The following QTMAN variants were observed in gnomAD, a reference collection of about 807,000 sequenced individuals.
QTMAN encodes the protein queuosine-tRNA mannosyltransferase.
At chr2:144,268,633 T>C in the QTMAN span, among the ~76,000 whole-genome samples, 89 of 152,348 alleles carry the variant, frequency 5.8e-4, 2 homozygotes, top group South Asian at 0.017. Flanking sequence ...AACCACCCAG[T>C]TGAGGATGTA....
the QTMAN span, among the ~76,000 whole-genome samples, chr2:144,096,760 G>A: frequency 6.6e-6 from 1 of 152,224 alleles, no homozygotes; most frequent in Non-Finnish European, 1.5e-5. Flanking sequence ...GTTCACTGCT[G>A]AAATACACAA....
the QTMAN span, among the ~76,000 whole-genome samples, chr2:144,204,318 A>G: frequency 1.3e-5 from 2 of 152,208 alleles, no homozygotes; most frequent in African/African-American, 4.8e-5. Context: ...CAACCCCATC[A>G]ACAAGTAGGC....
At chr2:144,041,031 C>CCATT in the QTMAN span, among the ~76,000 whole-genome samples, 1 of 152,096 alleles carries the variant, frequency 6.6e-6, no homozygotes, top group African/African-American at 2.4e-5. Flanking sequence ...ATTCATTCAT[C>CCATT]CATTCATTCA....
At chr2:144,170,523 T>C in the QTMAN span, among the ~76,000 whole-genome samples, 2 of 152,144 alleles carry the variant, frequency 1.3e-5, no homozygotes, top group Non-Finnish European at 2.9e-5. Context: ...AGATCTTTTA[T>C]AGTAGCTGCA....
the QTMAN span, among the ~76,000 whole-genome samples, chr2:144,049,347 G>A: frequency 1.7e-4 from 26 of 152,230 alleles, no homozygotes; most frequent in East Asian, 5.0e-3. Context: ...CACACAATCG[G>A]ATGCCTGTCA....
chr2:144,224,795 A>G, the QTMAN span, among the ~76,000 whole-genome samples: 1 of 152,206 alleles, frequency 6.6e-6, no homozygotes, highest in African/African-American at 2.4e-5. Flanking sequence ...TTATTCAACA[A>G]GCATTTATTA....
At chr2:144,172,621 C>CAAAAAAAAAAAAAAAAAAAA in the QTMAN span, among the ~76,000 whole-genome samples, 1 of 51,360 alleles carries the variant, frequency 1.9e-5, no homozygotes, top group Non-Finnish European at 4.5e-5. Flanking sequence ...AAGACTCTGT[C>CAAAAAAAAAAAAAAAAAAAA]AAAAAAAAAA....
At chr2:144,261,073 T>C in the QTMAN span, among the ~76,000 whole-genome samples, 2 of 152,224 alleles carry the variant, frequency 1.3e-5, no homozygotes, top group Admixed American at 6.5e-5. Flanking sequence ...CAATATCTTC[T>C]ACTTCACGCT....
At chr2:143,985,041 A>G in the QTMAN span, among the ~76,000 whole-genome samples, 1 of 152,208 alleles carries the variant, frequency 6.6e-6, no homozygotes, top group Non-Finnish European at 1.5e-5. Context: ...GCAAATGCTA[A>G]AAGAGCACTG....
At chr2:144,056,160 A>G in the QTMAN span, among the ~76,000 whole-genome samples, 24 of 152,370 alleles carry the variant, frequency 1.6e-4, no homozygotes, top group Admixed American at 1.1e-3. Context: ...TATTTAAAGA[A>G]GCAGCCAGTA....
chr2:144,155,240 C>T, the QTMAN span, among the ~76,000 whole-genome samples: 495 of 152,228 alleles, frequency 3.3e-3, 1 homozygote, highest in African/African-American at 0.01. Context: ...AAAAGGAACT[C>T]AAGAGGAAAG....
the QTMAN span, among the ~76,000 whole-genome samples, chr2:144,227,926 TG>T: frequency 6.6e-6 from 1 of 152,200 alleles, no homozygotes; most frequent in Non-Finnish European, 1.5e-5. Flanking sequence ...GGTGGTTATA[TG>T]GGACATACTT....
chr2:144,210,365 A>G, the QTMAN span, among the ~76,000 whole-genome samples: 2 of 152,208 alleles, frequency 1.3e-5, no homozygotes, highest in East Asian at 3.8e-4. Flanking sequence ...CCATCCCACC[A>G]TTAGTATAAA....
the QTMAN span, among the ~76,000 whole-genome samples, chr2:143,991,713 T>C: frequency 1.7e-3 from 106 of 63,986 alleles, no homozygotes; most frequent in South Asian, 2.2e-3. Flanking sequence ...GCCCGGCCAG[T>C]CGCCCCGTCC....
chr2:144,035,442 G>C, the QTMAN span, among the ~76,000 whole-genome samples: 1 of 152,178 alleles, frequency 6.6e-6, no homozygotes, highest in Non-Finnish European at 1.5e-5. Flanking sequence ...CTTCTTAAAA[G>C]CATGCATGAG....
the QTMAN span, among the ~76,000 whole-genome samples, chr2:144,224,922 T>G: frequency 1.3e-5 from 2 of 152,198 alleles, no homozygotes; most frequent in Non-Finnish European, 2.9e-5. Context: ...GTAGAACATT[T>G]GAGCAGGGTC....
the QTMAN span, among the ~76,000 whole-genome samples, chr2:144,326,900 A>G: frequency 6.6e-6 from 1 of 152,122 alleles, no homozygotes; most frequent in Non-Finnish European, 1.5e-5. Flanking sequence ...TTTTATATAT[A>G]CCACACAGAG....
the QTMAN span, among the ~76,000 whole-genome samples, chr2:144,269,158 A>G: frequency 1.3e-5 from 2 of 152,126 alleles, no homozygotes; most frequent in African/African-American, 4.8e-5. Flanking sequence ...TTGAGATTCC[A>G]TTCATAATAT....
chr2:144,262,633 GA>G, the QTMAN span, among the ~76,000 whole-genome samples: 1 of 107,760 alleles, frequency 9.3e-6, no homozygotes, highest in African/African-American at 3.5e-5. Flanking sequence ...GAAGGGAGGG[GA>G]GGGAGAGGGG....
Sources: gnomAD v4.1 joint callset for allele counts (sites outside exome capture counted in the v4.1 genomes callset) on GRCh38, gnomAD v4.1.1 for gene constraint, MANE v1.5 for transcripts, NCBI Gene and HGNC (gene_info 2026-07-23, HGNC 2026-07-21) for gene names.